Variants in RAB31 observed in about 807,000 individuals in gnomAD.
The protein encoded by RAB31 is ras-related protein Rab-31.
Under a neutral mutation model 25.6 loss-of-function variants are expected in RAB31, and 21 were observed. The ratio of observed to expected loss-of-function variants is 0.82; its 90% CI spans 0.58 to 1.18. The LOEUF (loss-of-function observed/expected upper bound fraction) is 1.18. Ranked by LOEUF, RAB31 falls within the 50% of genes most tolerant of loss-of-function variation. The probability of loss-of-function intolerance (pLI) is 0.00; values close to 1 mark genes in which losing one functional copy is unlikely to be tolerated. For synonymous variants in RAB31, 87 were observed against 84.0 expected (o/e 1.04, Z -0.20); for missense variants, 196 against 250.1 (o/e 0.78, Z 1.46).
rs2068464329 is a variant in RAB31, at chr18:9,792,243, T to C, written c.201+8T>C. On this transcript the variant is annotated splice_region_variant and intron_variant, in intron 3 of 6. Transcript: ENST00000578921. The stretch of plus-strand genomic sequence containing the variant: ...ACTGCTGGTCAGGAACGGGTGAGTA[T>C]ATGCTGTTTTTTGGTGAAAACAAGA... The C allele has an allele frequency of 3.1e-6, 5 of 1,607,778 alleles. No individual in the cohort carries two copies. The highest frequency in any genetic ancestry group is 3.4e-5 in the Admixed American group (2 of 59,280).
intron 1 of RAB31, among the ~76,000 whole-genome samples, chr18:9,730,875 A>G (rs1328084292): frequency 6.6e-6 from 1 of 152,166 alleles, no homozygotes; most frequent in Non-Finnish European, 1.5e-5. Context: ...GGGGGAAAGC[A>G]TCTGCATTTA....
intron 3 of RAB31, among the ~76,000 whole-genome samples, chr18:9,810,388 C>A (rs2068564492): frequency 6.6e-6 from 1 of 152,110 alleles, no homozygotes; most frequent in South Asian, 2.1e-4. Context: ...GATTGTGGTG[C>A]TTTTGCTTTC....
At chr18:9,726,611 A>G (rs867320184) in intron 1 of RAB31, among the ~76,000 whole-genome samples, 5 of 152,170 alleles carry the variant, frequency 3.3e-5, no homozygotes, top group Middle Eastern at 3.2e-3. Flanking sequence ...TGTTTCCACA[A>G]GAGGAGCTCT....
At chr18:9,834,839 C>T (rs1424372567) in intron 5 of RAB31, among the ~76,000 whole-genome samples, 2 of 152,212 alleles carry the variant, frequency 1.3e-5, no homozygotes, top group Non-Finnish European at 2.9e-5. Context: ...ACTTCACATA[C>T]TGCCCAGAAG....
At chr18:9,717,291 G>A (rs993832270) in intron 1 of RAB31, among the ~76,000 whole-genome samples, 3 of 152,098 alleles carry the variant, frequency 2.0e-5, no homozygotes, top group African/African-American at 7.2e-5. Context: ...TGGTTTAGAT[G>A]TCTCAGACCT....
At chr18:9,836,445 C>T (rs2068704633) in intron 5 of RAB31, among the ~76,000 whole-genome samples, 1 of 152,020 alleles carries the variant, frequency 6.6e-6, no homozygotes, top group Admixed American at 6.6e-5. Context: ...TTTTATTGTG[C>T]CCTAGCTATA....
rs2068007630 is a variant in RAB31, at chr18:9,709,882, G to A, written c.39+1438G>A. 2.6e-5 allele frequency among the ~76,000 whole-genome samples: 4 copies of A among 152,158 alleles called. No homozygotes were observed. In the South Asian group the frequency reaches 8.3e-4, roughly 32 times the overall value. ...GGAATCCCATGCTTCCCTCTTGAGG[G>A]GCCATTTCAGCCTCAGGAAAGGCCT... On this transcript the variant is annotated intron_variant, in intron 1 of 6. Coordinates refer to ENST00000578921, the MANE Select transcript of RAB31 (RefSeq NM_006868.4).
rs115863990 is a variant in RAB31 at position 9,776,137 on chromosome 18, G to T, written c.119+780G>T. Among the ~76,000 whole-genome samples the T allele has an allele frequency of 2.0e-3, 304 of 152,256 alleles. 1 individual carries two copies. The highest frequency in any genetic ancestry group is 7.2e-3 in the African/African-American group (300 of 41,542). On this transcript the variant is annotated intron_variant, in intron 2 of 6. Transcript: ENST00000578921. ...CCAGCATTTCCACTGTCATGTGTGG[G>T]GAGGGGTGGAAGTGCATTGTTAAAT... is the stretch of plus-strand genomic sequence containing the variant.
chr18:9,715,087 T>C (rs1057296171), intron 1 of RAB31, among the ~76,000 whole-genome samples: 1 of 151,322 alleles, frequency 6.6e-6, no homozygotes, highest in African/African-American at 2.4e-5. Context: ...TTGGTTCCTG[T>C]GCCACACGCA....
chr18:9,753,982 C>T (rs774471208), intron 1 of RAB31, among the ~76,000 whole-genome samples: 2 of 149,752 alleles, frequency 1.3e-5, no homozygotes, highest in East Asian at 2.1e-4. Flanking sequence ...TTTCCAAGCC[C>T]GAGAAAAACT....
chr18:9,840,665 T>C (rs1044755068), intron 5 of RAB31, among the ~76,000 whole-genome samples: 2 of 152,210 alleles, frequency 1.3e-5, no homozygotes, highest in South Asian at 4.1e-4. Flanking sequence ...ATTCAGACAC[T>C]GACTACCTGG....
rs866241837 is a variant in RAB31, at chr18:9,715,532, T to C, written c.39+7088T>C. Reference sequence around the variant, plus strand: ...GTCCTTTGTCTCTCTCTCTCTCTTTTTTTTTTTTTTTTTTTGACATGGAGT... The same window carrying C: ...GTCCTTTGTCTCTCTCTCTCTCTTTCTTTTTTTTTTTTTTTGACATGGAGT... On this transcript the variant is annotated intron_variant, in intron 1 of 6. Transcript: ENST00000578921. Among the ~76,000 whole-genome samples the C allele has an allele frequency of 2.5e-3, 359 of 143,784 alleles. 1 individual carries two copies. The highest frequency in any genetic ancestry group is 9.2e-3 in the African/African-American group (345 of 37,564). 94.3% of individuals were successfully genotyped at this position (143,784 alleles called of 152,430 possible). A position where few individuals can be genotyped will look rare whatever the true frequency, so the allele number is the denominator to read the frequency against.
At chr18:9,799,578 T>G (rs2068503649) in intron 3 of RAB31, among the ~76,000 whole-genome samples, 2 of 152,108 alleles carry the variant, frequency 1.3e-5, no homozygotes, top group Admixed American at 1.3e-4. Flanking sequence ...CTCATTGTAG[T>G]CTCAAATTCC....
At chr18:9,782,963 T>C (rs536533676) in intron 2 of RAB31, among the ~76,000 whole-genome samples, 3 of 152,270 alleles carry the variant, frequency 2.0e-5, no homozygotes, top group African/African-American at 7.2e-5. Flanking sequence ...GATCAAAAGC[T>C]AGCAAAGACT....
intron 5 of RAB31, among the ~76,000 whole-genome samples, chr18:9,831,932 C>T (rs1231818307): frequency 6.6e-6 from 1 of 152,182 alleles, no homozygotes; most frequent in Non-Finnish European, 1.5e-5. Context: ...CAAGTGGAGG[C>T]AGAGCTGTGG....
At chr18:9,795,479 C>T (rs2143037155) in intron 3 of RAB31, among the ~76,000 whole-genome samples, 1 of 152,328 alleles carries the variant, frequency 6.6e-6, no homozygotes, top group East Asian at 1.9e-4. Flanking sequence ...TCTTCACAAT[C>T]CATACATCTG....
Position 9,832,035 on chromosome 18 carries a change from C to A in RAB31, c.381-13547C>A, listed in dbSNP as rs370016396. ...TGTGGACGGCAGTGCTAGTGATGGA[C>A]AGAATCCTGGGACTAGTGCCAGTGA... is the stretch of plus-strand genomic sequence containing the variant. On this transcript the variant is annotated intron_variant, in intron 5 of 6. Coordinates refer to ENST00000578921, the MANE Select transcript of RAB31 (RefSeq NM_006868.4). 2.6e-5 allele frequency among the ~76,000 whole-genome samples: 4 copies of A among 152,324 alleles called. No homozygotes were observed. In the East Asian group the frequency reaches 5.8e-4, roughly 22 times the overall value.
chr18:9,715,411 C>T (rs2068038930), intron 1 of RAB31, among the ~76,000 whole-genome samples: 1 of 137,160 alleles, frequency 7.3e-6, no homozygotes. Context: ...TTCCCTTTGC[C>T]CCCTTTTTTT....
At chr18:9,836,584 G>A (rs1388903444) in intron 5 of RAB31, among the ~76,000 whole-genome samples, 2 of 152,210 alleles carry the variant, frequency 1.3e-5, no homozygotes, top group Non-Finnish European at 2.9e-5. Flanking sequence ...TCTTTAGCAG[G>A]CTTGAGAACT....
Sources: allele counts gnomAD v4.1 joint callset (sites outside exome capture counted in the v4.1 genomes callset), GRCh38; gene constraint gnomAD v4.1.1; transcripts MANE v1.5; gene names NCBI Gene and HGNC (gene_info 2026-07-23, HGNC 2026-07-21).